The following XPR1 variants were observed in gnomAD, a reference collection of about 807,000 sequenced individuals.
The protein encoded by XPR1 is xenotropic and polytropic retrovirus receptor 1.
A neutral mutation model predicts 87.5 loss-of-function variants in XPR1; 28 were observed. The observed-to-expected ratio is 0.32, with a 90% CI of 0.24 to 0.44. The LOEUF (loss-of-function observed/expected upper bound fraction) is 0.44. Ranked by LOEUF, XPR1 falls within the 20% of genes least tolerant of loss-of-function variation. XPR1 has a pLI of 1.00. For synonymous variants in XPR1, 300 were observed against 306.1 expected, an observed-to-expected ratio of 0.98 and a Z score of 0.21; for missense variants, 559 against 862.3, an observed-to-expected ratio of 0.65 and a Z score of 4.41.
At chr1:180,656,422 A>AATATTTAT (rs1409925084) in intron 1 of XPR1, among the ~76,000 whole-genome samples, 6 of 21,990 alleles carry the variant, frequency 2.7e-4, no homozygotes, top group Admixed American at 7.1e-4. Context: ...TTTATATATA[A>AATATTTAT]ATATTTATAT....
intron 9 of XPR1, among the ~76,000 whole-genome samples, chr1:180,834,006 A>G (rs1651176872): frequency 6.6e-6 from 1 of 152,222 alleles, no homozygotes; most frequent in Non-Finnish European, 1.5e-5. Context: ...AAAAGAATAC[A>G]AATATCAAGG....
chr1:180,885,076 C>G lies in XPR1; in HGVS notation c.*1010C>G, dbSNP rs1219538404. On this transcript the variant is annotated 3_prime_UTR_variant, in exon 15 of 15. Coordinates refer to ENST00000367590, the MANE Select transcript of XPR1 (RefSeq NM_004736.4). The stretch of plus-strand genomic sequence containing the variant: ...GCTGAAGCTATGCCTTATTATGCAT[C>G]CACATGTATGGTCCCTGTAGCGTGA... The G allele has an allele frequency of 6.6e-6, 1 of 152,538 alleles. No homozygotes were observed. Among genetic ancestry groups the G allele is most frequent in the Non-Finnish European group, 1.5e-5 (1 of 68,024 alleles). 9.4% of individuals were successfully genotyped at this position (152,538 alleles called of 1,614,324 possible).
intron 2 of XPR1, among the ~76,000 whole-genome samples, chr1:180,684,468 C>T (rs554319040): frequency 1.9e-4 from 29 of 152,174 alleles, no homozygotes; most frequent in African/African-American, 5.1e-4. Flanking sequence ...CTTGGCGATG[C>T]GGGCTCTTTT....
intron 11 of XPR1, among the ~76,000 whole-genome samples, chr1:180,862,285 G>A (rs1185707669): frequency 1.3e-5 from 2 of 152,036 alleles, no homozygotes; most frequent in African/African-American, 4.8e-5. Context: ...GTCAGACCCA[G>A]ATGAGTCTTT....
Position 180,886,220 on chromosome 1 carries a change from TTAAAAC to T in XPR1, c.*2157_*2162del, listed in dbSNP as rs1466105728. The T allele has an allele frequency of 1.3e-5, 2 of 152,218 alleles. No individual in the cohort carries two copies. The highest frequency in any genetic ancestry group is 2.9e-5 in the Non-Finnish European group (2 of 68,034). The allele number at this position is 152,218 out of a possible 1,614,324, so 9.4% of individuals were successfully genotyped here. A position where few individuals can be genotyped will look rare whatever the true frequency, so the allele number is the denominator to read the frequency against. ...CCCTAACTATTCTGTTTTTTGTACT[TTAAAAC>T]TATGGGGGAAATATCACTGGTCTGT... is the stretch of plus-strand genomic sequence containing the variant. On this transcript the variant is annotated 3_prime_UTR_variant, in exon 15 of 15. Coordinates refer to ENST00000367590, the MANE Select transcript of XPR1 (RefSeq NM_004736.4).
intron 11 of XPR1, among the ~76,000 whole-genome samples, chr1:180,842,342 A>T (rs3789370): frequency 0.48 from 72,333 of 151,698 alleles, 17,720 homozygotes; most frequent in African/African-American, 0.5. Flanking sequence ...ATGTAAGAGT[A>T]AACCGTGTGT....
chr1:180,865,423 CAG>C (rs1281090039), intron 12 of XPR1, among the ~76,000 whole-genome samples: 3 of 145,048 alleles, frequency 2.1e-5, no homozygotes, highest in African/African-American at 7.7e-5. Context: ...TTTTTTGAGA[CAG>C]AGTCTTGCTC....
chr1:180,785,277 C>G (rs956358785), intron 2 of XPR1, among the ~76,000 whole-genome samples: 1 of 151,764 alleles, frequency 6.6e-6, no homozygotes, highest in Admixed American at 6.6e-5. Flanking sequence ...CTCAGCCTCC[C>G]GAGTAGCTAG....
intron 11 of XPR1, among the ~76,000 whole-genome samples, chr1:180,853,643 A>G (rs944934609): frequency 2.0e-5 from 3 of 151,400 alleles, no homozygotes; most frequent in African/African-American, 7.3e-5. Flanking sequence ...ACACACACAC[A>G]CACACACACA....
chr1:180,757,869 T>TAAAA (rs35162664), intron 2 of XPR1, among the ~76,000 whole-genome samples: 9 of 40,072 alleles, frequency 2.2e-4, no homozygotes, highest in African/African-American at 8.2e-4. Context: ...GTTGAAAATG[T>TAAAA]AAAAAAAAAA....
At chr1:180,770,490 C>T (rs1029696625) in intron 2 of XPR1, among the ~76,000 whole-genome samples, 3 of 152,152 alleles carry the variant, frequency 2.0e-5, no homozygotes, top group Non-Finnish European at 4.4e-5. Context: ...AAGGCCCCAC[C>T]TCCAAATCTC....
chr1:180,670,719 C>T (rs1361950466), intron 1 of XPR1, among the ~76,000 whole-genome samples: 1 of 152,130 alleles, frequency 6.6e-6, no homozygotes, highest in Non-Finnish European at 1.5e-5. Context: ...CTTTATACAG[C>T]TTTGAGTTAC....
At chr1:180,656,667 T>C (rs887914362) in intron 1 of XPR1, among the ~76,000 whole-genome samples, 8 of 127,332 alleles carry the variant, frequency 6.3e-5, no homozygotes, top group African/African-American at 1.2e-4. Context: ...ATATAATTTA[T>C]ATTATATATA....
chr1:180,753,818 G>A (rs1229446028), intron 2 of XPR1, among the ~76,000 whole-genome samples: 1 of 152,126 alleles, frequency 6.6e-6, no homozygotes, highest in Non-Finnish European at 1.5e-5. Flanking sequence ...TAACAAATTG[G>A]TGAATATGTG....
intron 2 of XPR1, among the ~76,000 whole-genome samples, chr1:180,755,748 C>G (rs1347607352): frequency 1.3e-5 from 2 of 152,066 alleles, no homozygotes; most frequent in East Asian, 3.9e-4. Context: ...TTTATGTGCC[C>G]TGATGAAGGT....
At chr1:180,706,366 C>A (rs915556272) in intron 2 of XPR1, among the ~76,000 whole-genome samples, 1 of 152,162 alleles carries the variant, frequency 6.6e-6, no homozygotes, top group Non-Finnish European at 1.5e-5. Context: ...ATGATTCTTA[C>A]AGCTGTGTCA....
At chr1:180,775,980 G>A (rs1648699547) in intron 2 of XPR1, among the ~76,000 whole-genome samples, 1 of 152,114 alleles carries the variant, frequency 6.6e-6, no homozygotes, top group Non-Finnish European at 1.5e-5. Flanking sequence ...CTTTATAAAA[G>A]AAAGGCTTGT....
At chr1:180,690,644 A>C (rs996794368) in intron 2 of XPR1, among the ~76,000 whole-genome samples, 2 of 151,764 alleles carry the variant, frequency 1.3e-5, no homozygotes, top group African/African-American at 4.8e-5. Flanking sequence ...ATATTGCTTC[A>C]CTGTAGTTTA....
At chr1:180,874,213 A>C (rs1446672554) in intron 13 of XPR1, among the ~76,000 whole-genome samples, 2 of 152,042 alleles carry the variant, frequency 1.3e-5, no homozygotes, top group Non-Finnish European at 1.5e-5. Context: ...AATTCTTACA[A>C]AGTTAAAATA....
Sources: gnomAD v4.1 joint callset for allele counts (sites outside exome capture counted in the v4.1 genomes callset) on GRCh38, gnomAD v4.1.1 for gene constraint, MANE v1.5 for transcripts, NCBI Gene and HGNC (gene_info 2026-07-23, HGNC 2026-07-21) for gene names.